Variants in TMEM8B observed in about 807,000 individuals in gnomAD.
TMEM8B encodes the protein transmembrane protein 8B.
A neutral mutation model predicts 49.3 loss-of-function variants in TMEM8B; 29 were observed. That is an observed-to-expected ratio of 0.59 (90% CI 0.44 to 0.80). The LOEUF (loss-of-function observed/expected upper bound fraction) is 0.80, where lower values mean the gene tolerates loss of function less well. Ranked by LOEUF, TMEM8B falls within the 30% of genes least tolerant of loss-of-function variation. TMEM8B has a pLI of 0.00. For synonymous variants in TMEM8B, 264 were observed against 272.8 expected (o/e 0.97, Z 0.32); for missense variants, 575 against 658.5 (o/e 0.87, Z 1.39).
intron 9 of TMEM8B, 81 bp downstream of exon 9, chr9:35,846,692 G>A (rs1178499969): frequency 3.9e-6 from 6 of 1,547,158 alleles, no homozygotes; most frequent in Middle Eastern, 2.3e-4. Flanking sequence ...CGGGAGTAGG[G>A]GAGTGCGCAG....
rs577195980 is a variant in TMEM8B, at chr9:35,858,577, A to G, written c.*4737A>G. 6.6e-6 allele frequency: 1 copy of G among 152,340 alleles called. No homozygotes were observed. Among genetic ancestry groups the G allele is most frequent in the African/African-American group, 2.4e-5 (1 of 41,572 alleles). The allele number at this position is 152,340 out of a possible 1,614,324, so 9.4% of individuals were successfully genotyped here. A position where few individuals can be genotyped will look rare whatever the true frequency, so the allele number is the denominator to read the frequency against. On this transcript the variant is annotated 3_prime_UTR_variant, in exon 13 of 13. Coordinates refer to ENST00000643932, the MANE Select transcript of TMEM8B (RefSeq NM_001042590.4). ...CAGGATAAAGAAAGCCAAACCTCCC[A>G]TAGCTCTTGGGTTGACACTGTCAGC...
In TMEM8B at chr9:35,846,320, C is replaced by T; in HGVS notation, c.1792C>T (p.Pro598Ser). Residue 598 changes from proline (P) to serine (S), a missense_variant, in exon 8 of 13, where the codon CCA becomes TCA. By Grantham distance (74) the Pro-to-Ser change is moderately conservative. Transcript: ENST00000643932. ...CACCAGGGTTGCCAGGCTGCGAATCCCATTCCCGCAGACGGGGACCTGGTT... is the reference window on the plus strand; with the variant it reads ...CACCAGGGTTGCCAGGCTGCGAATCTCATTCCCGCAGACGGGGACCTGGTT... ...ATTRVARLRI[P>S]FPQTGTWFLA... 6.2e-7 allele frequency: 1 copy of T among 1,614,212 alleles called. No individual in the cohort carries two copies. The highest frequency in any genetic ancestry group is 8.5e-7 in the Non-Finnish European group (1 of 1,180,044).
Position 35,853,192 on chromosome 9 carries a change from C to G in TMEM8B, c.2374C>G (p.Arg792Gly). 1.2e-6 allele frequency: 2 copies of G among 1,614,132 alleles called. No individual in the cohort carries two copies. Among genetic ancestry groups the G allele is most frequent in the Non-Finnish European group, 1.7e-6 (2 of 1,180,014 alleles). Residue 792 changes from arginine to glycine, a missense_variant, in exon 12 of 13, where the codon CGA becomes GGA. Arg to Gly is a moderately radical substitution (Grantham distance 125, BLOSUM62 -2). Transcript: ENST00000643932. This position sits in a 1 kb window ranked among gnomAD's most constrained non-coding sequence, Gnocchi z 4.2. ...GCTGTCCATGGCTCTGCAGCTTGACCGACATGGACTCTGGAACCTGCTTGG... is the reference window on the plus strand; with the variant it reads ...GCTGTCCATGGCTCTGCAGCTTGACGGACATGGACTCTGGAACCTGCTTGG... The part of the protein sequence containing the change: ...MLLSMALQLD[R>G]HGLWNLLGPS...
chr9:35,849,943 G>T (rs1005036131), intron 10 of TMEM8B, among the ~76,000 whole-genome samples: 3 of 152,214 alleles, frequency 2.0e-5, no homozygotes, highest in African/African-American at 7.2e-5. Context: ...GACAGAGCTG[G>T]CATTCTGGGG....
At position 35,853,511 on chromosome 9, in the gene TMEM8B, C is replaced by T. The variant is rs969693098; in HGVS notation, c.2446C>T (p.Arg816Cys). The T allele has an allele frequency of 5.6e-6, 9 of 1,611,488 alleles. No individual in the cohort carries two copies. Among genetic ancestry groups the T allele is most frequent in the African/African-American group, 1.3e-5 (1 of 74,942 alleles). ...LGILATAWTV[R>C]SVRRRHCYPP... ...ACTTCTCTGTCTCCCCCAGACAGTA[C>T]GCAGCGTCCGCCGCCGGCACTGCTA... is the stretch of plus-strand genomic sequence containing the variant. Residue 816 changes from arginine (R) to cysteine (C), a missense_variant, in exon 13 of 13, where the codon CGC (arginine) becomes TGC (cysteine). By Grantham distance (180) the Arg-to-Cys change is radical (BLOSUM62 -3). Coordinates refer to ENST00000643932, the MANE Select transcript of TMEM8B (RefSeq NM_001042590.4). The surrounding 1 kb of genome is among the most constrained non-coding windows in gnomAD (Gnocchi z 4.2).
intron 7 of TMEM8B, 40 bp downstream of exon 7, chr9:35,846,108 G>A (rs765937970): frequency 2.5e-6 from 4 of 1,611,954 alleles, no homozygotes; most frequent in Non-Finnish European, 1.7e-6. Context: ...GCTGCAGTGT[G>A]GGGGTGGTGG....
chr9:35,846,980 C>G lies in TMEM8B; in HGVS notation c.2160C>G (p.Thr720=). ...YVLEAAVYTF[T]MFFSTFYHAC... Reference sequence around the variant, plus strand: ...TGGAAGCTGCAGTCTACACCTTCACCATGTTCTTCTCCACGGTATGCGGTG... The same window carrying G: ...TGGAAGCTGCAGTCTACACCTTCACGATGTTCTTCTCCACGGTATGCGGTG... The change falls in exon 10 of 13, where the codon ACC becomes ACG. Residue 720 remains threonine (T), a synonymous_variant. Coordinates refer to ENST00000643932, the MANE Select transcript of TMEM8B (RefSeq NM_001042590.4). 1 of 1,614,200 alleles carries G rather than the reference C, an allele frequency of 6.2e-7. No individual in the cohort carries two copies. The highest frequency in any genetic ancestry group is 2.2e-5 in the East Asian group (1 of 44,882).
At position 35,829,848 on chromosome 9, in the gene TMEM8B, C is replaced by G; in HGVS notation, c.401C>G (p.Pro134Arg). 2.4e-6 allele frequency: 1 copy of G among 416,420 alleles called. No individual in the cohort carries two copies. Among genetic ancestry groups the G allele is most frequent in the Non-Finnish European group, 4.4e-6 (1 of 226,814 alleles). 25.8% of individuals were successfully genotyped at this position (416,420 alleles called of 1,614,324 possible). ...CLPKSLPLVPPISHTLPLSQP... is the reference protein window; with the variant it reads ...CLPKSLPLVPRISHTLPLSQP... ...CCCAAGTCTCTCCCTCTAGTCCCCCCTATCTCTCATACTCTGCCCCTCTCC... is the reference window on the plus strand; with the variant it reads ...CCCAAGTCTCTCCCTCTAGTCCCCCGTATCTCTCATACTCTGCCCCTCTCC... Residue 134 changes from proline (P) to arginine (R), a missense_variant, in exon 1 of 13, where the codon CCT (proline) becomes CGT (arginine). Coordinates refer to ENST00000643932, the MANE Select transcript of TMEM8B (RefSeq NM_001042590.4).
intron 3 of TMEM8B, among the ~76,000 whole-genome samples, chr9:35,838,599 C>T (rs1046348785): frequency 2.0e-5 from 3 of 152,116 alleles, no homozygotes; most frequent in Non-Finnish European, 4.4e-5. Context: ...GACTATATCC[C>T]ACTGCTTACT....
At chr9:35,834,693 G>T in intron 2 of TMEM8B, 43 bp downstream of exon 2, 1 of 415,384 alleles carries the variant, frequency 2.4e-6, no homozygotes, top group South Asian at 1.3e-4. Context: ...TCCAATCCCT[G>T]ACCACTTTCC....
At position 35,846,363 on chromosome 9, in the gene TMEM8B, T is replaced by TGTGCGGGGTGGGGCCTCGGTGAGCG; in HGVS notation, c.1844_1853+15dup. ...ACCTGGTTCCTGGCCCTCCGCTCCC[T>TGTGCGGGGTGGGGCCTCGGTGAGCG]GTGCGGGGTGGGGCCTCGGTGAGCG... On this transcript the variant is annotated stop_gained and frameshift_variant, in exon 8 of 13. Transcript: ENST00000643932. LOFTEE classifies it high-confidence loss of function. 2 of 1,613,516 alleles carry TGTGCGGGGTGGGGCCTCGGTGAGCG rather than the reference T, an allele frequency of 1.2e-6. No homozygotes were observed. The highest frequency in any genetic ancestry group is 1.7e-6 in the Non-Finnish European group (2 of 1,179,852).
chr9:35,838,787 C>A (rs1265206449), intron 3 of TMEM8B, among the ~76,000 whole-genome samples: 1 of 152,218 alleles, frequency 6.6e-6, no homozygotes, highest in Admixed American at 6.5e-5. Flanking sequence ...ACCCATTGCT[C>A]AAGCCCCAAA....
chr9:35,852,761 C>A, intron 10 of TMEM8B, 66 bp from the exon 11 acceptor site: 2 of 1,599,606 alleles, frequency 1.3e-6, no homozygotes, highest in Non-Finnish European at 1.7e-6. Context: ...TGGGCCCACC[C>A]CTCCGGTTTT....
chr9:35,838,962 G>A (rs1044053847), intron 3 of TMEM8B, among the ~76,000 whole-genome samples: 3 of 152,242 alleles, frequency 2.0e-5, no homozygotes, highest in Non-Finnish European at 4.4e-5. Flanking sequence ...GGCTACCACA[G>A]TAGCCTCATA....
rs1384427292 is a variant in TMEM8B, at chr9:35,857,753, G to T, written c.*3913G>T. On this transcript the variant is annotated 3_prime_UTR_variant, in exon 13 of 13. Coordinates refer to ENST00000643932, the MANE Select transcript of TMEM8B (RefSeq NM_001042590.4). ...CATGGGAGCAGTTGGAGAAATCTGT[G>T]CAAAACTGTTACTTCTGCATTTGGT... 1 of 152,236 alleles carries T rather than the reference G, an allele frequency of 6.6e-6. No individual in the cohort carries two copies. Among genetic ancestry groups the T allele is most frequent in the Non-Finnish European group, 1.5e-5 (1 of 68,042 alleles). The allele number at this position is 152,236 out of a possible 1,614,324, so 9.4% of individuals were successfully genotyped here.
At position 35,859,598 on chromosome 9, in the gene TMEM8B, C is replaced by T. The variant is rs988754952; in HGVS notation, c.*5758C>T. On this transcript the variant is annotated 3_prime_UTR_variant, in exon 13 of 13. Coordinates refer to ENST00000643932, the MANE Select transcript of TMEM8B (RefSeq NM_001042590.4). ...CACTCATGAGCTCTGGGTACCTAAG[C>T]GGCTGGCAGATAGCCACATAACGGT... 3.1e-5 allele frequency: 5 copies of T among 160,224 alleles called. No individual in the cohort carries two copies. Among genetic ancestry groups the T allele is most frequent in the African/African-American group, 7.2e-5 (3 of 41,458 alleles). 9.9% of individuals were successfully genotyped at this position (160,224 alleles called of 1,614,324 possible).
In TMEM8B at chr9:35,829,938, T is replaced by C; in HGVS notation, c.491T>C (p.Val164Ala). Reference protein sequence around the residue: ...PALLLLLLFSVLGPGAGGLFL... With the variant: ...PALLLLLLFSALGPGAGGLFL... The stretch of plus-strand genomic sequence containing the variant: ...CTATTGCTGCTGTTGCTGTTCTCTG[T>C]CCTTGGCCCAGGGGCTGGTGAGTGC... The change falls in exon 1 of 13, where the codon GTC becomes GCC. Residue 164 changes from valine to alanine, a missense_variant. Val to Ala is a moderately conservative substitution (Grantham distance 64). Coordinates refer to ENST00000643932, the MANE Select transcript of TMEM8B (RefSeq NM_001042590.4). 2.4e-6 allele frequency: 1 copy of C among 416,010 alleles called. No homozygotes were observed. The highest frequency in any genetic ancestry group is 3.6e-5 in the East Asian group (1 of 28,074). The allele number at this position is 416,010 out of a possible 1,614,324, so 25.8% of individuals were successfully genotyped here.
intron 2 of TMEM8B, 95 bp from the exon 3 acceptor site, chr9:35,834,916 T>C: frequency 4.8e-6 from 2 of 414,994 alleles, no homozygotes; most frequent in Middle Eastern, 3.1e-4. Context: ...ATTTGTTTTA[T>C]CGGTGAAGAG....
intron 10 of TMEM8B, among the ~76,000 whole-genome samples, chr9:35,852,418 G>C (rs961048061): frequency 6.6e-6 from 1 of 152,180 alleles, no homozygotes; most frequent in Admixed American, 6.5e-5. Context: ...CTGGGACATA[G>C]TGGGGAGATT....
Sources: allele counts gnomAD v4.1 joint callset (sites outside exome capture counted in the v4.1 genomes callset), GRCh38; gene constraint gnomAD v4.1.1; non-coding constraint Gnocchi (gnomAD v3.1); transcripts MANE v1.5; gene names NCBI Gene and HGNC (gene_info 2026-07-23, HGNC 2026-07-21).